The following IMMP2L variants were observed in gnomAD, a reference collection of about 807,000 sequenced individuals.
IMMP2L encodes the protein mitochondrial inner membrane protease subunit 2.
Under a neutral mutation model 19.3 loss-of-function variants are expected in IMMP2L, and 18 were observed. The observed-to-expected ratio is 0.93, with a 90% CI of 0.64 to 1.38. The LOEUF is 1.38. IMMP2L is among the 40% of genes most tolerant of loss of function. The pLI is 0.00. For synonymous variants in IMMP2L, 76 were observed against 73.0 expected (o/e 1.04, Z -0.21); for missense variants, 233 against 218.2 (o/e 1.07, Z -0.43).
intron 5 of IMMP2L, among the ~76,000 whole-genome samples, chr7:110,771,734 A>G (rs1799053984): frequency 6.6e-6 from 1 of 152,210 alleles, no homozygotes; most frequent in Non-Finnish European, 1.5e-5. Context: ...GAAGACTCCT[A>G]TAACACAGAA....
At chr7:111,097,403 G>C (rs1797514997) in intron 3 of IMMP2L, 3 of 151,762 alleles carry the variant, frequency 2.0e-5, no homozygotes, top group African/African-American at 7.3e-5. Flanking sequence ...GTTTGATTTG[G>C]ACTTATAACT....
chr7:111,391,752 T>C lies in IMMP2L; in HGVS notation c.239+95486A>G, dbSNP rs563691721. The C allele has an allele frequency of 5.9e-4, 349 of 587,546 alleles. 2 individuals are homozygous for C. Among genetic ancestry groups the C allele is most frequent in the Non-Finnish European group, 7.9e-4 (261 of 329,034 alleles). 36.4% of individuals were successfully genotyped at this position (587,546 alleles called of 1,614,324 possible). Reference sequence around the variant, plus strand: ...CTTCAGCCTTATACAATCAGAAAAATGGCAAAAAGACAAACAACTACGATA... The same window carrying C: ...CTTCAGCCTTATACAATCAGAAAAACGGCAAAAAGACAAACAACTACGATA... On this transcript the variant is annotated intron_variant, in intron 3 of 5. Transcript: ENST00000405709.
intron 3 of IMMP2L, among the ~76,000 whole-genome samples, chr7:111,397,930 C>T (rs983970424): frequency 6.6e-6 from 1 of 152,132 alleles, no homozygotes; most frequent in East Asian, 1.9e-4. Context: ...TCGAGGAAGG[C>T]CTTTCTGGGC....
intron 4 of IMMP2L, among the ~76,000 whole-genome samples, chr7:110,902,479 A>AATATATATATAT (rs67367468): frequency 3.6e-4 from 51 of 140,542 alleles, no homozygotes; most frequent in African/African-American, 1.4e-3. Context: ...TGAATGATAA[A>AATATATATATAT]ATATATATAT....
intron 5 of IMMP2L, among the ~76,000 whole-genome samples, chr7:110,706,785 T>C (rs1794715346): frequency 1.3e-5 from 2 of 152,124 alleles, no homozygotes; most frequent in Non-Finnish European, 2.9e-5. Flanking sequence ...TTTTCTCTTA[T>C]TCTGTAGGTT....
intron 3 of IMMP2L, among the ~76,000 whole-genome samples, chr7:111,011,128 G>T (rs1824901468): frequency 6.6e-6 from 1 of 151,982 alleles, no homozygotes; most frequent in African/African-American, 2.4e-5. Context: ...AACAGGCAAT[G>T]ATTATGGAAA....
At chr7:110,996,229 A>G (rs1010920168) in intron 3 of IMMP2L, among the ~76,000 whole-genome samples, 7 of 152,286 alleles carry the variant, frequency 4.6e-5, no homozygotes, top group Admixed American at 4.6e-4. Context: ...CTCTGAAGAA[A>G]TGATATTATA....
chr7:111,281,158 GAAAGAA>G (rs1819713292), intron 3 of IMMP2L, among the ~76,000 whole-genome samples: 1 of 19,676 alleles, frequency 5.1e-5, no homozygotes, highest in Non-Finnish European at 1.1e-4. Context: ...CAGAAAGACA[GAAAGAA>G]AGAAAGAAAG....
chr7:111,225,503 G>T (rs552181455), intron 3 of IMMP2L, among the ~76,000 whole-genome samples: 1 of 152,112 alleles, frequency 6.6e-6, no homozygotes, highest in Non-Finnish European at 1.5e-5. Flanking sequence ...ATGGATTTTG[G>T]AGTGAGAAAA....
chr7:111,137,039 A>T (rs1802414233), intron 3 of IMMP2L, among the ~76,000 whole-genome samples: 1 of 152,080 alleles, frequency 6.6e-6, no homozygotes, highest in Non-Finnish European at 1.5e-5. Context: ...ACAGCACAGA[A>T]TTAAGAATCT....
rs1050656198 is a variant in IMMP2L, at chr7:111,049,719, C to G, written c.240-86154G>C. ...CAAAAAACTATTTGTCAAATACTTC[C>G]AAAACAAATTCCAAAGCAAAGGCAA... On this transcript the variant is annotated intron_variant, in intron 3 of 5. Transcript: ENST00000405709. Among the ~76,000 whole-genome samples the G allele has an allele frequency of 5.3e-5, 8 of 152,290 alleles. No homozygotes were observed. In the South Asian group the frequency reaches 1.5e-3, roughly 28 times the overall value.
At chr7:110,927,744 AC>A (rs1815009542) in intron 4 of IMMP2L, among the ~76,000 whole-genome samples, 1 of 152,034 alleles carries the variant, frequency 6.6e-6, no homozygotes, top group Non-Finnish European at 1.5e-5. Context: ...TGGACTTCTG[AC>A]CTTCAGAAGA....
At chr7:111,202,791 T>A (rs563232373) in intron 3 of IMMP2L, among the ~76,000 whole-genome samples, 17 of 151,906 alleles carry the variant, frequency 1.1e-4, no homozygotes, top group African/African-American at 4.1e-4. Context: ...ATTAGTAGAG[T>A]AGAAACAGAG....
At chr7:110,810,158 T>C (rs1801932023) in intron 5 of IMMP2L, among the ~76,000 whole-genome samples, 1 of 152,072 alleles carries the variant, frequency 6.6e-6, no homozygotes, top group East Asian at 1.9e-4. Flanking sequence ...TTAATTTCTT[T>C]CTTCTCACTT....
chr7:111,038,954 A>G (rs1395850247), intron 3 of IMMP2L, among the ~76,000 whole-genome samples: 2 of 152,226 alleles, frequency 1.3e-5, no homozygotes, highest in Non-Finnish European at 2.9e-5. Flanking sequence ...ATAAGGTGAT[A>G]GAAATATATT....
intron 3 of IMMP2L, among the ~76,000 whole-genome samples, chr7:111,142,840 C>T (rs371040275): frequency 1.5e-4 from 23 of 152,150 alleles, no homozygotes; most frequent in Non-Finnish European, 1.6e-4. Context: ...ACAACTCTCA[C>T]GGTCCCAAAA....
chr7:111,068,929 A>C lies in IMMP2L; in HGVS notation c.240-105364T>G, dbSNP rs188046955. On this transcript the variant is annotated intron_variant, in intron 3 of 5. Transcript: ENST00000405709. ...GGGATGATAGCCAATACAATAAAGT[A>C]ATGATTGCCAACACAATAAAGTAAT... 1.5e-3 allele frequency among the ~76,000 whole-genome samples: 222 copies of C among 152,296 alleles called. 2 individuals are homozygous for C. Among genetic ancestry groups the C allele is most frequent in the Non-Finnish European group, 4.0e-4 (27 of 68,024 alleles).
At chr7:110,765,349 A>C (rs1798593820) in intron 5 of IMMP2L, among the ~76,000 whole-genome samples, 1 of 152,154 alleles carries the variant, frequency 6.6e-6, no homozygotes, top group Non-Finnish European at 1.5e-5. Context: ...ATATCCCAGA[A>C]GAGAAGACAA....
intron 1 of IMMP2L, among the ~76,000 whole-genome samples, chr7:111,529,659 C>G (rs1310411684): frequency 1.3e-5 from 2 of 152,206 alleles, no homozygotes; most frequent in East Asian, 1.9e-4. Flanking sequence ...TAAAGTTAGT[C>G]ATTTTTTGGC....
Sources: gnomAD v4.1 joint callset for allele counts (sites outside exome capture counted in the v4.1 genomes callset) on GRCh38, gnomAD v4.1.1 for gene constraint, MANE v1.5 for transcripts, NCBI Gene and HGNC (gene_info 2026-07-23, HGNC 2026-07-21) for gene names.